The following EIF4E2 variants were observed in gnomAD, a reference collection of about 807,000 sequenced individuals.
EIF4E2 encodes eukaryotic translation initiation factor 4E family member 2, also known as eukaryotic translation initiation factor 4E type 2.
Under a neutral mutation model 34.2 loss-of-function variants are expected in EIF4E2, and 13 were observed. The observed-to-expected ratio is 0.38, with a 90% CI of 0.25 to 0.60. The LOEUF (loss-of-function observed/expected upper bound fraction) is 0.60. Ranked by LOEUF, EIF4E2 falls within the 20% of genes least tolerant of loss-of-function variation. EIF4E2 has a pLI of 0.62. For synonymous variants in EIF4E2, 100 were observed against 106.6 expected (o/e 0.94, Z 0.38); for missense variants, 222 against 315.1 (o/e 0.70, Z 2.24).
At chr2:232,555,574 G>A (rs1462678909) in intron 1 of EIF4E2, among the ~76,000 whole-genome samples, 2 of 152,106 alleles carry the variant, frequency 1.3e-5, no homozygotes, top group East Asian at 1.9e-4. Flanking sequence ...TTCTAGTGCC[G>A]CATGTTAAGG....
At chr2:232,555,932 G>T (rs1337604662) in intron 1 of EIF4E2, among the ~76,000 whole-genome samples, 1 of 66,266 alleles carries the variant, frequency 1.5e-5, no homozygotes, top group Non-Finnish European at 2.7e-5. Flanking sequence ...AGAGATTTGT[G>T]TCAGGAAGAC....
downstream of EIF4E2, chr2:232,573,792 C>T (rs1450858971): frequency 1.9e-5 from 6 of 314,948 alleles, no homozygotes; most frequent in Admixed American, 8.6e-5. Flanking sequence ...ATACTTTCCT[C>T]CTTGCATCTT....
intron 6 of EIF4E2, among the ~76,000 whole-genome samples, chr2:232,576,214 C>T (rs7571154): frequency 0.25 from 36,632 of 144,176 alleles, 4,908 homozygotes; most frequent in East Asian, 0.41. Context: ...AAAAAAAAAA[C>T]TGGGGATGCT....
rs1039939878 is a variant in EIF4E2 at position 232,558,017 on chromosome 2, C to T, written c.269C>T (p.Ser90Phe). Reference protein sequence around the residue: ...QNIKQIGTFASVEQFWRFYSH... With the variant: ...QNIKQIGTFAFVEQFWRFYSH... ...ATCAAACAGATTGGCACCTTTGCCTCTGTGAGTTCTTGGTGAATTAATGGA... is the reference window on the plus strand; with the variant it reads ...ATCAAACAGATTGGCACCTTTGCCTTTGTGAGTTCTTGGTGAATTAATGGA... Residue 90 changes from serine (S) to phenylalanine (F), a missense_variant and splice_region_variant, in exon 3 of 7, where the codon TCT becomes TTT. Around this residue, in one of 3 missense-constraint regions of EIF4E2, gnomAD observed 105 missense variants for 195.1 expected, o/e 0.54. Coordinates refer to ENST00000258416, the MANE Select transcript of EIF4E2 (RefSeq NM_004846.4). The T allele has an allele frequency of 6.2e-7, 1 of 1,613,944 alleles. No homozygotes were observed. The highest frequency in any genetic ancestry group is 8.5e-7 in the Non-Finnish European group (1 of 1,179,970).
chr2:232,567,421 G>A, intron 6 of EIF4E2: 5 of 1,372,168 alleles, frequency 3.6e-6, no homozygotes, highest in Non-Finnish European at 4.7e-6. Context: ...CTTTGTAGCA[G>A]AGAGAGCCCA....
intron 3 of EIF4E2, among the ~76,000 whole-genome samples, chr2:232,559,287 T>G (rs1341283619): frequency 6.6e-6 from 1 of 151,818 alleles, no homozygotes; most frequent in Non-Finnish European, 1.5e-5. Flanking sequence ...TATCAGCAGT[T>G]TACCAGTTGG....
rs367548952 is a variant in EIF4E2, at chr2:232,569,056, C to T, written c.*39C>T. 277 of 1,609,276 alleles carry T rather than the reference C, an allele frequency of 1.7e-4. No homozygotes were observed. The highest frequency in any genetic ancestry group is 2.2e-4 in the Non-Finnish European group (261 of 1,177,972). On this transcript the variant is annotated 3_prime_UTR_variant, in exon 7 of 7. Coordinates refer to ENST00000258416, the MANE Select transcript of EIF4E2 (RefSeq NM_004846.4). ...TGGATGGCACCATCATTGAAGCTGG[C>T]GTCATCGGAGTCTCTTGTTCTGTTG...
At chr2:232,559,210 C>T (rs1208812617) in intron 3 of EIF4E2, among the ~76,000 whole-genome samples, 3 of 131,008 alleles carry the variant, frequency 2.3e-5, no homozygotes, top group East Asian at 4.3e-4. Context: ...TACCCTAAAA[C>T]TTAAAGTATA....
At chr2:232,563,432 A>G (rs1692795894) in intron 3 of EIF4E2, among the ~76,000 whole-genome samples, 1 of 152,166 alleles carries the variant, frequency 6.6e-6, no homozygotes, top group Non-Finnish European at 1.5e-5. Context: ...ACTAATGAGA[A>G]AAACAGGACT....
rs1016187435 is a variant in EIF4E2 at position 232,568,027 on chromosome 2, C to T, written c.665+813C>T. Reference sequence around the variant, plus strand: ...TGTCTTTGCAACTTTGCTTCAGTTTCTCCATCTGTAAAGTGGGAGACAGTA... The same window carrying T: ...TGTCTTTGCAACTTTGCTTCAGTTTTTCCATCTGTAAAGTGGGAGACAGTA... On this transcript the variant is annotated intron_variant, in intron 6 of 6. Transcript: ENST00000258416. The T allele has an allele frequency of 2.9e-5, 28 of 982,322 alleles. No individual in the cohort carries two copies. The South Asian group carries it at 9.9e-4, about 35-fold the overall frequency. 60.9% of individuals were successfully genotyped at this position (982,322 alleles called of 1,614,324 possible).
In EIF4E2 at chr2:232,566,503, T is replaced by C. The variant is rs1447290266; in HGVS notation, c.376-326T>C. Among the ~76,000 whole-genome samples the C allele has an allele frequency of 6.6e-6, 1 of 152,256 alleles. No homozygotes were observed. Among genetic ancestry groups the C allele is most frequent in the East Asian group, 1.9e-4 (1 of 5,194 alleles). On this transcript the variant is annotated intron_variant, in intron 4 of 6. Coordinates refer to ENST00000258416, the MANE Select transcript of EIF4E2 (RefSeq NM_004846.4). This position sits in a 1 kb window ranked among gnomAD's most constrained non-coding sequence, Gnocchi z 4.9. The stretch of plus-strand genomic sequence containing the variant: ...CTGCGCCCAGCAGACATTCAGTACT[T>C]TTAGCAAGTAAACGGATGATCTGTG...
rs576031709 is a variant in EIF4E2, at chr2:232,576,691, C to T, written c.666-4213C>T. ...CCACTCACTTCATTGTCTTAATAGA[C>T]TTGAAAAGGACTTCATGTCGCATTT... On this transcript the variant is annotated intron_variant, in intron 6 of 6. Coordinates refer to the EIF4E2 transcript ENST00000409098. Among the ~76,000 whole-genome samples the T allele has an allele frequency of 5.9e-5, 9 of 152,276 alleles. No homozygotes were observed. The South Asian group carries it at 1.9e-3, about 32-fold the overall frequency.
chr2:232,568,471 C>G (rs1467440259), intron 6 of EIF4E2: 35 of 985,146 alleles, frequency 3.6e-5, no homozygotes, highest in Non-Finnish European at 4.0e-5. Flanking sequence ...TTCTTATTCT[C>G]TATTCTGGGA....
chr2:232,565,354 C>G (rs1056380405), intron 4 of EIF4E2, among the ~76,000 whole-genome samples: 1 of 152,244 alleles, frequency 6.6e-6, no homozygotes, highest in Non-Finnish European at 1.5e-5. Context: ...CACTTCTTGG[C>G]AGGGCATGGT....
chr2:232,567,329 A>T, intron 6 of EIF4E2, 115 bp downstream of exon 6: 1 of 1,528,852 alleles, frequency 6.5e-7, no homozygotes, highest in Non-Finnish European at 8.8e-7. Flanking sequence ...GAAGGGACAG[A>T]CCAGGCCTTC....
intron 3 of EIF4E2, chr2:232,558,971 G>A (rs1692620260): frequency 6.6e-6 from 1 of 152,046 alleles, no homozygotes; most frequent in African/African-American, 2.4e-5. Context: ...AGGTTATTAT[G>A]TACCCAGTGT....
At chr2:232,551,260 A>C (rs1159153436) in intron 1 of EIF4E2, 3 of 473,002 alleles carry the variant, frequency 6.3e-6, no homozygotes, top group Non-Finnish European at 1.3e-5. Context: ...AGGCTGGCTT[A>C]GGAATTATCT....
At chr2:232,550,912 A>G in intron 1 of EIF4E2, 168 bp downstream of exon 1, 1 of 712,952 alleles carries the variant, frequency 1.4e-6, no homozygotes. Context: ...CTGGGGAGCA[A>G]TGGATACCGG....
chr2:232,578,649 A>G (rs1038199919), intron 6 of EIF4E2, among the ~76,000 whole-genome samples: 9 of 152,262 alleles, frequency 5.9e-5, no homozygotes, highest in African/African-American at 2.2e-4. Flanking sequence ...TGAATGAGAA[A>G]GTGTTTTTAG....
Sources: gnomAD v4.1 joint callset for allele counts (sites outside exome capture counted in the v4.1 genomes callset) on GRCh38, gnomAD v4.1.1 for gene constraint, gnomAD v4.1.1 regional missense constraint, Gnocchi (gnomAD v3.1) non-coding constraint, MANE v1.5 for transcripts, NCBI Gene and HGNC (gene_info 2026-07-23, HGNC 2026-07-21) for gene names.